PCGF2: variants seen among roughly 807,000 people sequenced by gnomAD.
PCGF2 encodes polycomb group ring finger 2, also known as polycomb group RING finger protein 2.
PCGF2 carries 8 observed loss-of-function variants against 36.1 expected under a neutral mutation model. The observed-to-expected ratio is 0.22, with a 90% CI of 0.13 to 0.40. The LOEUF is 0.40. Ranked by LOEUF, PCGF2 falls within the 10% of genes least tolerant of loss-of-function variation. PCGF2 has a pLI of 1.00. For missense variants in PCGF2, 436 were observed against 475.9 expected, an observed-to-expected ratio of 0.92 and a Z score of 0.78; for synonymous variants, 198 against 191.2, an observed-to-expected ratio of 1.04 and a Z score of -0.29.
upstream of PCGF2, chr17:38,749,534 A>T (rs1907784198): frequency 4.6e-6 from 2 of 433,368 alleles, no homozygotes; most frequent in Non-Finnish European, 9.6e-6. The surrounding 1 kb of genome is among the most constrained non-coding windows in gnomAD (Gnocchi z 6.5). Flanking sequence ...TTCGTTATTC[A>T]CGATTTATTA....
At position 38,734,957 on chromosome 17, in the gene PCGF2, A is replaced by C; in HGVS notation, c.*266T>G. On this transcript the variant is annotated 3_prime_UTR_variant, in exon 11 of 11. Transcript: ENST00000620225. The stretch of plus-strand genomic sequence containing the variant: ...GCAAATTACACAAGACCCCCCCCAA[A>C]AAAAATGAACACCATTTTCCACACA... The C allele has an allele frequency of 3.6e-6, 1 of 277,474 alleles. No homozygotes were observed. Among genetic ancestry groups the C allele is most frequent in the African/African-American group, 2.2e-5 (1 of 45,902 alleles). 17.2% of individuals were successfully genotyped at this position (277,474 alleles called of 1,614,324 possible). A position where few individuals can be genotyped will look rare whatever the true frequency, so the allele number is the denominator to read the frequency against.
In PCGF2 at chr17:38,739,832, T is replaced by C; in HGVS notation, c.113-150A>G. 1 of 677,816 alleles carries C rather than the reference T, an allele frequency of 1.5e-6. No individual in the cohort carries two copies. Among genetic ancestry groups the C allele is most frequent in the South Asian group, 1.7e-5 (1 of 59,726 alleles). The allele number at this position is 677,816 out of a possible 1,614,324, so 42.0% of individuals were successfully genotyped here. ...TGTGGCGATGTGTGTTCTGCACGTG[T>C]GGTACCTGTCCTTGTGCACTGTTGA... On this transcript the variant is annotated intron_variant, in intron 3 of 10. Transcript: ENST00000620225. The surrounding 1 kb of genome is among the most constrained non-coding windows in gnomAD (Gnocchi z 4.0).
chr17:38,735,253 G>C lies in PCGF2; in HGVS notation c.1005C>G (p.Val335=), dbSNP rs753673427. The change falls in exon 11 of 11, where the codon GTC becomes GTG. Residue 335 remains valine, a synonymous_variant. Coordinates refer to ENST00000620225, the MANE Select transcript of PCGF2 (RefSeq NM_007144.3). Reference sequence around the variant, plus strand: ...TTAAGGGGGGCACGGGAGCGCCGTTGACAGTCATCTTGCGCCCCCTGCTGG... The same window carrying C: ...TTAAGGGGGGCACGGGAGCGCCGTTCACAGTCATCTTGCGCCCCCTGCTGG... The part of the protein sequence containing the change: ...SSTSRGRKMT[V]NGAPVPPLT 1 of 1,458,158 alleles carries C rather than the reference G, an allele frequency of 6.9e-7. No homozygotes were observed. The highest frequency in any genetic ancestry group is 1.4e-5 in the African/African-American group (1 of 71,002). 90.3% of individuals were successfully genotyped at this position (1,458,158 alleles called of 1,614,324 possible).
At position 38,739,821 on chromosome 17, in the gene PCGF2, T is replaced by A. The variant is rs1003411546; in HGVS notation, c.113-139A>T. On this transcript the variant is annotated intron_variant, in intron 3 of 10. Transcript: ENST00000620225. The surrounding 1 kb of genome is among the most constrained non-coding windows in gnomAD (Gnocchi z 4.0). ...CCGAGGCCCAATGTGGCGATGTGTG[T>A]TCTGCACGTGTGGTACCTGTCCTTG... 3 of 695,740 alleles carry A rather than the reference T, an allele frequency of 4.3e-6. No individual in the cohort carries two copies. Among genetic ancestry groups the A allele is most frequent in the African/African-American group, 3.5e-5 (2 of 57,576 alleles). 43.1% of individuals were successfully genotyped at this position (695,740 alleles called of 1,614,324 possible). A position where few individuals can be genotyped will look rare whatever the true frequency, so the allele number is the denominator to read the frequency against.
At chr17:38,742,151 C>G (rs1907242211) in intron 2 of PCGF2, among the ~76,000 whole-genome samples, 1 of 152,230 alleles carries the variant, frequency 6.6e-6, no homozygotes, top group Non-Finnish European at 1.5e-5. Flanking sequence ...GTGCTTCCTT[C>G]TTGGTAAAGA....
rs1054843608 is a variant in PCGF2, at chr17:38,734,221, T to A, written c.*1002A>T. 3 of 152,576 alleles carry A rather than the reference T, an allele frequency of 2.0e-5. No individual in the cohort carries two copies. Among genetic ancestry groups the A allele is most frequent in the African/African-American group, 7.2e-5 (3 of 41,386 alleles). The allele number at this position is 152,576 out of a possible 1,614,324, so 9.5% of individuals were successfully genotyped here. A position where few individuals can be genotyped will look rare whatever the true frequency, so the allele number is the denominator to read the frequency against. Reference sequence around the variant, plus strand: ...TGTCTTCTTGTGCTTTTAGATGCAGTTGCTCTGTCCTGACCAGGTGACCGG... The same window carrying A: ...TGTCTTCTTGTGCTTTTAGATGCAGATGCTCTGTCCTGACCAGGTGACCGG... On this transcript the variant is annotated 3_prime_UTR_variant, in exon 11 of 11. Transcript: ENST00000620225.
intron 10 of PCGF2, 109 bp from the exon 11 acceptor site, chr17:38,735,709 G>T: frequency 7.3e-7 from 1 of 1,364,436 alleles, no homozygotes; most frequent in Non-Finnish European, 9.7e-7. Context: ...CTCGAAAAAA[G>T]GGATGGGATG....
chr17:38,738,842 C>T lies in PCGF2; in HGVS notation c.336G>A (p.Glu112=). Residue 112 remains glutamate, a synonymous_variant, in exon 7 of 11, where the codon GAG becomes GAA. Coordinates refer to ENST00000620225, the MANE Select transcript of PCGF2 (RefSeq NM_007144.3). ...CCTGCTCCAAGACCTCGCCGCGGTC[C>T]TCATTGGAGCCGTTGGGGACTGCAG... ...PLTEVPNGSN[E]DRGEVLEQEK... is the part of the protein sequence containing the mutation. The T allele has an allele frequency of 6.2e-7, 1 of 1,613,878 alleles. No homozygotes were observed. Among genetic ancestry groups the T allele is most frequent in the Non-Finnish European group, 8.5e-7 (1 of 1,179,840 alleles).
chr17:38,737,926 AAAG>A (rs1906890233), intron 9 of PCGF2, among the ~76,000 whole-genome samples: 1 of 151,682 alleles, frequency 6.6e-6, no homozygotes, highest in African/African-American at 2.4e-5. Flanking sequence ...AAAAAAAAAA[AAAG>A]GAAATATGGA....
intron 2 of PCGF2, among the ~76,000 whole-genome samples, chr17:38,747,636 C>G (rs1353507514): frequency 2.0e-5 from 3 of 152,074 alleles, no homozygotes; most frequent in Non-Finnish European, 4.4e-5. Context: ...ACCCGGACCC[C>G]GGCGGGGAAG....
chr17:38,736,124 A>C lies in PCGF2; in HGVS notation c.623T>G (p.Leu208Arg). The C allele has an allele frequency of 6.3e-7, 1 of 1,587,216 alleles. No homozygotes were observed. The highest frequency in any genetic ancestry group is 8.6e-7 in the Non-Finnish European group (1 of 1,166,482). ...GGGGTAGATGTAGGCGATGTCCATG[A>C]GGGTGTAGTATTCCTTCAGTGGCTC... ...EDEPLKEYYT[L>R]MDIAYIYPWR... Residue 208 changes from leucine (L) to arginine (R), a missense_variant, in exon 10 of 11, where the codon CTC becomes CGC. Leu to Arg is a moderately radical substitution (Grantham distance 102, BLOSUM62 -2). Coordinates refer to ENST00000620225, the MANE Select transcript of PCGF2 (RefSeq NM_007144.3).
In PCGF2 at chr17:38,735,280, G is replaced by C; in HGVS notation, c.978C>G (p.Ser326=). The C allele has an allele frequency of 6.8e-7, 1 of 1,480,850 alleles. No individual in the cohort carries two copies. The highest frequency in any genetic ancestry group is 9.0e-7 in the Non-Finnish European group (1 of 1,105,060). The allele number at this position is 1,480,850 out of a possible 1,614,324, so 91.7% of individuals were successfully genotyped here. The part of the protein sequence containing the change: ...GSLNCLQTPS[S]TSRGRKMTVN... Reference sequence around the variant, plus strand: ...CAGTCATCTTGCGCCCCCTGCTGGTGGAGGATGGTGTCTGCAGGCAGTTCA... The same window carrying C: ...CAGTCATCTTGCGCCCCCTGCTGGTCGAGGATGGTGTCTGCAGGCAGTTCA... Residue 326 remains serine, a synonymous_variant, in exon 11 of 11, where the codon TCC becomes TCG. Coordinates refer to ENST00000620225, the MANE Select transcript of PCGF2 (RefSeq NM_007144.3).
At position 38,735,416 on chromosome 17, in the gene PCGF2, G is replaced by T. The variant is rs1246419795; in HGVS notation, c.842C>A (p.Thr281Asn). The T allele has an allele frequency of 1.3e-6, 2 of 1,574,776 alleles. No individual in the cohort carries two copies. The highest frequency in any genetic ancestry group is 1.3e-5 in the African/African-American group (1 of 74,170). ...GGAACTGGGAGAGCCATGGGATGGGGTGGCTGGGCTGGGCAGGGAGGAGGA... is the reference window on the plus strand; with the variant it reads ...GGAACTGGGAGAGCCATGGGATGGGTTGGCTGGGCTGGGCAGGGAGGAGGA... Reference protein sequence around the residue: ...ATSSSLPSPATPSHGSPSSHG... With the variant: ...ATSSSLPSPANPSHGSPSSHG... Residue 281 changes from threonine to asparagine, a missense_variant, in exon 11 of 11, where the codon ACC (threonine) becomes AAC (asparagine). Thr to Asn is a moderately conservative substitution (Grantham distance 65). Coordinates refer to ENST00000620225, the MANE Select transcript of PCGF2 (RefSeq NM_007144.3).
At position 38,740,025 on chromosome 17, in the gene PCGF2, G is replaced by A. The variant is rs560559069; in HGVS notation, c.112+266C>T. On this transcript the variant is annotated intron_variant, in intron 3 of 10. Transcript: ENST00000620225. ...CCCACAGTGCAAACAAGGGGTGTCCGCGTCTTCAGGGCATAAAATTTCAGC... is the reference window on the plus strand; with the variant it reads ...CCCACAGTGCAAACAAGGGGTGTCCACGTCTTCAGGGCATAAAATTTCAGC... Among the ~76,000 whole-genome samples the A allele has an allele frequency of 9.8e-5, 15 of 152,318 alleles. No homozygotes were observed. The East Asian group carries it at 2.9e-3, about 29-fold the overall frequency.
rs748390616 is a variant in PCGF2, at chr17:38,735,533, G to A, written c.725C>T (p.Pro242Leu). 1 of 1,589,444 alleles carries A rather than the reference G, an allele frequency of 6.3e-7. No homozygotes were observed. Among genetic ancestry groups the A allele is most frequent in the South Asian group, 1.1e-5 (1 of 87,394 alleles). Reference protein sequence around the residue: ...ACKRLTLATVPTPSEGTNTSG... With the variant: ...ACKRLTLATVLTPSEGTNTSG... ...GGTGTTGGTGCCCTCGGAGGGGGTG[G>A]GCACCGTGGCTAGGGTGAGCCGCTT... Residue 242 changes from proline (P) to leucine (L), a missense_variant, in exon 11 of 11, where the codon CCC becomes CTC. Around this residue, in one of 3 missense-constraint regions of PCGF2, gnomAD observed 227 missense variants for 212.9 expected, o/e 1.07. Transcript: ENST00000620225.
At chr17:38,738,210 C>T (rs1906910933) in intron 9 of PCGF2, 143 bp downstream of exon 9, 1 of 701,980 alleles carries the variant, frequency 1.4e-6, no homozygotes, top group Non-Finnish European at 2.5e-6. Flanking sequence ...TGGTTTCAAC[C>T]ACCCTTCTGT....
In PCGF2 at chr17:38,738,845, A is replaced by G; in HGVS notation, c.333T>C (p.Asn111=). Reference sequence around the variant, plus strand: ...GCTCCAAGACCTCGCCGCGGTCCTCATTGGAGCCGTTGGGGACTGCAGAAG... The same window carrying G: ...GCTCCAAGACCTCGCCGCGGTCCTCGTTGGAGCCGTTGGGGACTGCAGAAG... The part of the protein sequence containing the change: ...YPLTEVPNGS[N]EDRGEVLEQE... Residue 111 remains asparagine, a synonymous_variant, in exon 7 of 11, where the codon AAT becomes AAC. Coordinates refer to ENST00000620225, the MANE Select transcript of PCGF2 (RefSeq NM_007144.3). 6.2e-7 allele frequency: 1 copy of G among 1,612,894 alleles called. No homozygotes were observed. The highest frequency in any genetic ancestry group is 1.3e-5 in the African/African-American group (1 of 74,980).
chr17:38,735,433 G>A lies in PCGF2; in HGVS notation c.825C>T (p.Ser275=). 5 of 1,581,456 alleles carry A rather than the reference G, an allele frequency of 3.2e-6. No homozygotes were observed. Among genetic ancestry groups the A allele is most frequent in the Non-Finnish European group, 4.3e-6 (5 of 1,163,272 alleles). The change falls in exon 11 of 11, where the codon TCC becomes TCT. Residue 275 remains serine (S), a synonymous_variant. Coordinates refer to ENST00000620225, the MANE Select transcript of PCGF2 (RefSeq NM_007144.3). ...SPATLPATSS[S]LPSPATPSHG... ...GGGATGGGGTGGCTGGGCTGGGCAG[G>A]GAGGAGGAGGTGGCTGGCAGGGTGG...
chr17:38,742,000 G>A (rs1183739668), intron 2 of PCGF2, among the ~76,000 whole-genome samples: 3 of 152,154 alleles, frequency 2.0e-5, no homozygotes, highest in African/African-American at 7.2e-5. Flanking sequence ...TTCACAGGCT[G>A]TCCAGTGACA....
Sources: gnomAD v4.1 joint callset for allele counts (sites outside exome capture counted in the v4.1 genomes callset) on GRCh38, gnomAD v4.1.1 for gene constraint, gnomAD v4.1.1 regional missense constraint, Gnocchi (gnomAD v3.1) non-coding constraint, MANE v1.5 for transcripts, NCBI Gene and HGNC (gene_info 2026-07-23, HGNC 2026-07-21) for gene names.